COP1: variants seen among roughly 807,000 people sequenced by gnomAD.
The protein encoded by COP1 is E3 ubiquitin-protein ligase COP1.
COP1 carries 24 observed loss-of-function variants against 101.3 expected under a neutral mutation model. The observed-to-expected ratio is 0.24, with a 90% CI of 0.17 to 0.33. The LOEUF (loss-of-function observed/expected upper bound fraction) is 0.33. Among genes scored for constraint, COP1 ranks in the 10% least tolerant of loss-of-function variants. The pLI, the probability that COP1 is intolerant of heterozygous loss-of-function variation, is 1.00. For synonymous variants in COP1, 347 were observed against 341.9 expected, an observed-to-expected ratio of 1.01 and a Z score of -0.17; for missense variants, 663 against 906.2, an observed-to-expected ratio of 0.73 and a Z score of 3.45.
intron 15 of COP1, among the ~76,000 whole-genome samples, chr1:176,016,638 G>A (rs991900206): frequency 2.0e-5 from 3 of 152,040 alleles, no homozygotes; most frequent in African/African-American, 7.2e-5. Flanking sequence ...AGAGATGCCA[G>A]GTACATGTAA....
In COP1 at chr1:176,046,340, A is replaced by G. The variant is rs781090480; in HGVS notation, c.1278-16T>C. On this transcript the variant is annotated splice_polypyrimidine_tract_variant and intron_variant, in intron 11 of 19. Coordinates refer to ENST00000367669, the MANE Select transcript of COP1 (RefSeq NM_022457.7). ...AAATTCAATACTAAGGGGAAAAAGT[A>G]TGTAATGACAACATTTCAGAATTTG... 1.4e-5 allele frequency: 22 copies of G among 1,601,406 alleles called. 1 individual carries two copies. The South Asian group carries it at 2.5e-4, about 18-fold the overall frequency.
chr1:176,164,591 GA>G, intron 3 of COP1, among the ~76,000 whole-genome samples: 1 of 152,256 alleles, frequency 6.6e-6, no homozygotes, highest in East Asian at 1.9e-4. Context: ...TTCATAAGGG[GA>G]TGATATCTGG....
chr1:176,169,434 T>C (rs1301809907), intron 3 of COP1, among the ~76,000 whole-genome samples: 1 of 152,196 alleles, frequency 6.6e-6, no homozygotes, highest in Non-Finnish European at 1.5e-5. Context: ...AACTTTTAAG[T>C]GTGTAATTTC....
chr1:176,016,007 C>A (rs188053715), intron 15 of COP1, among the ~76,000 whole-genome samples: 1 of 152,054 alleles, frequency 6.6e-6, no homozygotes, highest in African/African-American at 2.4e-5. Flanking sequence ...TGGCTTGGAC[C>A]ACTGCATCAA....
chr1:176,050,567 CT>C (rs1672372209), intron 11 of COP1, among the ~76,000 whole-genome samples: 1 of 152,202 alleles, frequency 6.6e-6, no homozygotes, highest in East Asian at 1.9e-4. Flanking sequence ...GTAACTAAAA[CT>C]TTAAGGAAAC....
intron 15 of COP1, among the ~76,000 whole-genome samples, chr1:176,012,774 A>G (rs1376002984): frequency 1.3e-5 from 2 of 152,194 alleles, no homozygotes. Flanking sequence ...TCAGTACAGT[A>G]GCAAGCTATA....
chr1:176,068,744 G>A (rs760351930), intron 11 of COP1, among the ~76,000 whole-genome samples: 1 of 152,118 alleles, frequency 6.6e-6, no homozygotes, highest in Non-Finnish European at 1.5e-5. Context: ...ATTTACAAAG[G>A]ACTTCTCTAG....
At chr1:176,169,350 C>T (rs921427551) in intron 3 of COP1, among the ~76,000 whole-genome samples, 6 of 152,014 alleles carry the variant, frequency 3.9e-5, no homozygotes, top group African/African-American at 1.4e-4. Flanking sequence ...TTGTATACTA[C>T]TACTAATTAA....
At chr1:176,184,003 TC>T (rs1274241391) in intron 2 of COP1, among the ~76,000 whole-genome samples, 1 of 151,952 alleles carries the variant, frequency 6.6e-6, no homozygotes, top group Non-Finnish European at 1.5e-5. Flanking sequence ...GTTCTAGAGA[TC>T]AATTGTACAA....
At chr1:176,175,852 A>C in intron 3 of COP1, 58 bp downstream of exon 3, 1 of 961,844 alleles carries the variant, frequency 1.0e-6, no homozygotes, top group Non-Finnish European at 1.6e-6. Context: ...AATTAGCGCT[A>C]GCACACAATT....
intron 5 of COP1, among the ~76,000 whole-genome samples, chr1:176,161,919 T>C (rs1390353591): frequency 2.0e-5 from 3 of 152,202 alleles, no homozygotes; most frequent in African/African-American, 7.2e-5. Context: ...TTAATCATAA[T>C]CTAGCCACAG....
intron 14 of COP1, among the ~76,000 whole-genome samples, chr1:176,028,126 C>G (rs1281905736): frequency 6.6e-6 from 1 of 152,092 alleles, no homozygotes; most frequent in Non-Finnish European, 1.5e-5. Context: ...CAATTATCTC[C>G]ACCTGGCCCC....
chr1:175,953,407 G>C (rs1213803055), intron 18 of COP1, among the ~76,000 whole-genome samples: 1 of 152,022 alleles, frequency 6.6e-6, no homozygotes, highest in Non-Finnish European at 1.5e-5. Context: ...ATAATTAAAA[G>C]GCAGAGATTA....
chr1:175,981,078 T>C (rs991684887), intron 18 of COP1, among the ~76,000 whole-genome samples: 3 of 152,118 alleles, frequency 2.0e-5, no homozygotes, highest in Non-Finnish European at 4.4e-5. Context: ...TCTAGATAAA[T>C]CAATGTTAAT....
intron 18 of COP1, among the ~76,000 whole-genome samples, chr1:175,976,296 T>TTTTTTTTTTTTG (rs1553284850): frequency 1.5e-5 from 2 of 137,306 alleles, no homozygotes; most frequent in Non-Finnish European, 3.1e-5. Flanking sequence ...TTTTTTTTTT[T>TTTTTTTTTTTTG]AGACAGAGTC....
At chr1:175,997,913 G>A (rs1472433630) in intron 15 of COP1, among the ~76,000 whole-genome samples, 1 of 151,748 alleles carries the variant, frequency 6.6e-6, no homozygotes, top group Admixed American at 6.6e-5. Context: ...ATACCCAAAG[G>A]ACTATAAATA....
chr1:176,162,521 A>G (rs1694494240), intron 5 of COP1, among the ~76,000 whole-genome samples: 2 of 152,180 alleles, frequency 1.3e-5, no homozygotes, highest in Non-Finnish European at 2.9e-5. Context: ...TCTCCTCCAA[A>G]TCTCACATAT....
intron 15 of COP1, among the ~76,000 whole-genome samples, chr1:176,005,756 G>GAA (rs541164176): frequency 0.029 from 3,668 of 127,310 alleles, 66 homozygotes; most frequent in Non-Finnish European, 0.044. Flanking sequence ...TTTGCTGAGA[G>GAA]CTTTACTTCC....
chr1:176,114,362 G>A (rs1037516912), intron 9 of COP1, among the ~76,000 whole-genome samples: 3 of 152,052 alleles, frequency 2.0e-5, no homozygotes, highest in Non-Finnish European at 4.4e-5. Context: ...GATGTACAGA[G>A]TAGTCACATA....
Sources: allele counts gnomAD v4.1 joint callset (sites outside exome capture counted in the v4.1 genomes callset), GRCh38; gene constraint gnomAD v4.1.1; transcripts MANE v1.5; gene names NCBI Gene and HGNC (gene_info 2026-07-23, HGNC 2026-07-21).